The following OR9Q1 variants were observed in gnomAD, a reference collection of about 807,000 sequenced individuals.
The protein encoded by OR9Q1 is olfactory receptor family 9 subfamily Q member 1.
For synonymous variants in OR9Q1, 153 were observed against 148.6 expected, an observed-to-expected ratio of 1.03 and a Z score of -0.22; for missense variants, 374 against 378.8, an observed-to-expected ratio of 0.99 and a Z score of 0.11.
chr11:58,029,489 T>C (rs1359763923), intron 1 of OR9Q1, among the ~76,000 whole-genome samples: 1 of 152,194 alleles, frequency 6.6e-6, no homozygotes, highest in Non-Finnish European at 1.5e-5. Context: ...TAGACCTCAC[T>C]TTTGGATGGG....
At chr11:58,179,201 T>G (rs969730673) in intron 2 of OR9Q1, among the ~76,000 whole-genome samples, 2 of 151,776 alleles carry the variant, frequency 1.3e-5, no homozygotes, top group African/African-American at 4.8e-5. Context: ...TTTTTTTGCA[T>G]TTTTAGTAGA....
At chr11:58,126,990 G>A (rs1229263600) in intron 2 of OR9Q1, among the ~76,000 whole-genome samples, 7 of 152,066 alleles carry the variant, frequency 4.6e-5, no homozygotes, top group East Asian at 1.9e-4. Flanking sequence ...TTGCTCTGTC[G>A]CCCAGGCTGG....
At chr11:58,032,030 C>A in intron 1 of OR9Q1, 1 of 600,696 alleles carries the variant, frequency 1.7e-6, no homozygotes, top group Non-Finnish European at 2.9e-6. Flanking sequence ...AAATACAATA[C>A]CTAGGAATAC....
At chr11:58,076,780 C>A (rs1399442915) in intron 2 of OR9Q1, among the ~76,000 whole-genome samples, 1 of 152,102 alleles carries the variant, frequency 6.6e-6, no homozygotes, top group Non-Finnish European at 1.5e-5. Context: ...AGACACCATG[C>A]CTAGCCTAAG....
intron 2 of OR9Q1, among the ~76,000 whole-genome samples, chr11:58,081,862 A>G (rs1853590894): frequency 1.3e-5 from 2 of 149,414 alleles, no homozygotes; most frequent in African/African-American, 4.9e-5. Context: ...TGTAGTCAAC[A>G]TTTACATTGG....
chr11:58,080,803 C>T (rs7121825), intron 2 of OR9Q1, among the ~76,000 whole-genome samples: 26,185 of 151,956 alleles, frequency 0.17, 2,391 homozygotes, highest in Non-Finnish European at 0.21. Context: ...TGAGAAATGT[C>T]GGCTCATGTC....
chr11:58,110,787 A>G (rs1209295915), intron 2 of OR9Q1, among the ~76,000 whole-genome samples: 3 of 152,186 alleles, frequency 2.0e-5, no homozygotes, highest in Admixed American at 2.0e-4. Flanking sequence ...TTTTCTATAG[A>G]AATCAGGCTG....
At chr11:58,053,745 C>T (rs956673867) in intron 1 of OR9Q1, among the ~76,000 whole-genome samples, 1 of 147,572 alleles carries the variant, frequency 6.8e-6, no homozygotes, top group African/African-American at 2.5e-5. Flanking sequence ...TCTAACTCTT[C>T]ATGGCTGAGA....
chr11:58,077,797 C>G (rs1853551649), intron 2 of OR9Q1: 1 of 152,218 alleles, frequency 6.6e-6, no homozygotes, highest in African/African-American at 2.4e-5. Flanking sequence ...GGCAAATGTG[C>G]AGATGGTGTT....
At chr11:58,100,573 G>T (rs1379252058) in intron 2 of OR9Q1, among the ~76,000 whole-genome samples, 1 of 151,912 alleles carries the variant, frequency 6.6e-6, no homozygotes, top group African/African-American at 2.4e-5. Context: ...CCTTCCTATA[G>T]ATAAAAGTGT....
intron 2 of OR9Q1, among the ~76,000 whole-genome samples, chr11:58,140,114 C>G (rs1384021527): frequency 6.6e-6 from 1 of 152,112 alleles, no homozygotes; most frequent in Non-Finnish European, 1.5e-5. Context: ...ATATCCTTCA[C>G]CCGCTTTTTG....
In OR9Q1 at chr11:58,085,188, A is replaced by G. The variant is rs186682196; in HGVS notation, c.-15+29241A>G. On this transcript the variant is annotated intron_variant, in intron 2 of 2. Transcript: ENST00000335397. ...TCACCTGCTTCTAATATTGTGTTAG[A>G]ATTTTTCAGAATAACACATTTTTCT... Among the ~76,000 whole-genome samples the G allele has an allele frequency of 3.9e-4, 60 of 152,056 alleles. 3 individuals are homozygous for G. Among genetic ancestry groups the G allele is most frequent in the African/African-American group, 1.4e-3 (59 of 41,336 alleles).
intron 2 of OR9Q1, among the ~76,000 whole-genome samples, chr11:58,102,428 C>T (rs1024850969): frequency 6.6e-6 from 1 of 152,094 alleles, no homozygotes; most frequent in Non-Finnish European, 1.5e-5. Flanking sequence ...ATGTAGGACT[C>T]CTTAAGTATC....
chr11:58,044,881 G>C (rs892192168), intron 1 of OR9Q1: 7 of 152,068 alleles, frequency 4.6e-5, no homozygotes. Flanking sequence ...GATATAGATG[G>C]GGCATCCCTA....
intron 2 of OR9Q1, among the ~76,000 whole-genome samples, chr11:58,165,420 C>T (rs749469659): frequency 9.2e-5 from 14 of 152,196 alleles, no homozygotes; most frequent in Non-Finnish European, 1.5e-4. Flanking sequence ...GCAACAGTCT[C>T]TCCCACATTC....
chr11:58,128,268 AAAG>A (rs963376649), intron 2 of OR9Q1, among the ~76,000 whole-genome samples: 5 of 151,348 alleles, frequency 3.3e-5, no homozygotes, highest in Admixed American at 6.6e-5. Context: ...AAAAAAAAAA[AAAG>A]AACAGTAGGA....
At chr11:58,080,196 T>C (rs1853575449) in intron 2 of OR9Q1, among the ~76,000 whole-genome samples, 1 of 152,182 alleles carries the variant, frequency 6.6e-6, no homozygotes, top group Non-Finnish European at 1.5e-5. Flanking sequence ...TTTATGTCCA[T>C]GTGTGCTCAA....
intron 2 of OR9Q1, among the ~76,000 whole-genome samples, chr11:58,074,892 G>T (rs548009031): frequency 3.3e-5 from 5 of 152,054 alleles, no homozygotes; most frequent in Non-Finnish European, 7.4e-5. Flanking sequence ...TTTTTGTCAG[G>T]TTTGTCAAAG....
chr11:58,136,485 C>T (rs1434489382), intron 2 of OR9Q1, among the ~76,000 whole-genome samples: 4 of 152,248 alleles, frequency 2.6e-5, no homozygotes, highest in Admixed American at 6.5e-5. Flanking sequence ...TGAGGCCAAA[C>T]GGATTCATGG....
Sources: gnomAD v4.1 joint callset for allele counts (sites outside exome capture counted in the v4.1 genomes callset) on GRCh38, gnomAD v4.1.1 for gene constraint, MANE v1.5 for transcripts, NCBI Gene and HGNC (gene_info 2026-07-23, HGNC 2026-07-21) for gene names.